Variants in TMEM232 observed in about 807,000 individuals in gnomAD.
TMEM232 encodes the protein transmembrane protein 232.
A neutral mutation model predicts 78.8 loss-of-function variants in TMEM232; 80 were observed. The observed-to-expected ratio is 1.01, with a 90% CI of 0.85 to 1.22. The LOEUF is 1.22. Ranked by LOEUF, TMEM232 falls within the 50% of genes most tolerant of loss-of-function variation. The probability of loss-of-function intolerance (pLI) is 0.00; values close to 1 mark genes in which losing one functional copy is unlikely to be tolerated. For missense variants in TMEM232, 881 were observed against 742.2 expected, an observed-to-expected ratio of 1.19 and a Z score of -2.17; for synonymous variants, 297 against 254.3, an observed-to-expected ratio of 1.17 and a Z score of -1.60.
chr5:110,608,451 C>T (rs899170449), intron 8 of TMEM232, among the ~76,000 whole-genome samples: 2 of 150,882 alleles, frequency 1.3e-5, no homozygotes, highest in Admixed American at 6.6e-5. Flanking sequence ...CTTCATATTA[C>T]GGTCAATTAA....
downstream of TMEM232, chr5:110,417,601 C>T (rs1580587585): frequency 7.0e-6 from 1 of 143,636 alleles, no homozygotes; most frequent in South Asian, 2.3e-4. Flanking sequence ...TGCTTTCTTT[C>T]AAACTTTTTT....
At chr5:110,415,772 A>G (rs898705266), downstream of TMEM232, among the ~76,000 whole-genome samples, 2 of 152,090 alleles carry the variant, frequency 1.3e-5, no homozygotes, top group African/African-American at 2.4e-5. Flanking sequence ...TCAAAGCATT[A>G]CTGGATTGCT....
chr5:110,500,903 T>C (rs569164149), intron 12 of TMEM232, among the ~76,000 whole-genome samples: 3 of 152,310 alleles, frequency 2.0e-5, no homozygotes, highest in East Asian at 3.9e-4. Context: ...CATCTAGATA[T>C]ATAAATAGTT....
At chr5:110,491,448 AG>A (rs1765086832) in intron 12 of TMEM232, among the ~76,000 whole-genome samples, 1 of 152,076 alleles carries the variant, frequency 6.6e-6, no homozygotes, top group Non-Finnish European at 1.5e-5. Context: ...TGTCCAGAAT[AG>A]GCAAATCCAC....
chr5:110,615,992 T>C (rs1290733332), intron 8 of TMEM232, among the ~76,000 whole-genome samples: 4 of 152,002 alleles, frequency 2.6e-5, no homozygotes, highest in Admixed American at 6.6e-5. Flanking sequence ...AAAATGTCCA[T>C]ACTACCCAAA....
rs978123284 is a variant in TMEM232, at chr5:110,683,431, G to T, written c.-12-16067C>A. 4.0e-5 allele frequency among the ~76,000 whole-genome samples: 6 copies of T among 151,734 alleles called. No homozygotes were observed. The East Asian group carries it at 1.2e-3, about 29-fold the overall frequency. On this transcript the variant is annotated intron_variant, in intron 1 of 13. Coordinates refer to ENST00000455884, the MANE Select transcript of TMEM232 (RefSeq NM_001039763.4). ...TGGCCTTGTAATATATATATAGAGA[G>T]AGAGTACATGTGATTCTCTTAGATG...
At chr5:110,505,512 C>CT (rs1468602298) in intron 12 of TMEM232, among the ~76,000 whole-genome samples, 4 of 151,912 alleles carry the variant, frequency 2.6e-5, no homozygotes, top group African/African-American at 9.7e-5. Context: ...TTTTCTTTTC[C>CT]TTTTTTCTTT....
At chr5:110,476,724 T>C (rs1214631388) in intron 12 of TMEM232, among the ~76,000 whole-genome samples, 2 of 152,070 alleles carry the variant, frequency 1.3e-5, no homozygotes, top group Non-Finnish European at 2.9e-5. Context: ...TCTGCTAGCA[T>C]TTCCCAGATG....
intron 12 of TMEM232, among the ~76,000 whole-genome samples, chr5:110,502,885 C>T (rs1766425244): frequency 6.6e-6 from 1 of 152,182 alleles, no homozygotes. Context: ...TCTTTCCTGG[C>T]TATCTGAAGT....
intron 1 of TMEM232, among the ~76,000 whole-genome samples, chr5:110,726,068 T>C (rs1798115296): frequency 1.3e-5 from 2 of 151,326 alleles, no homozygotes; most frequent in East Asian, 1.9e-4. Context: ...CTTTTAAAAA[T>C]TGTTTTATTA....
intron 1 of TMEM232, among the ~76,000 whole-genome samples, chr5:110,682,007 C>G (rs1313131759): frequency 6.6e-6 from 1 of 151,996 alleles, no homozygotes; most frequent in Non-Finnish European, 1.5e-5. Context: ...TAAAATGAGG[C>G]TAAAAATTTT....
intron 4 of TMEM232, among the ~76,000 whole-genome samples, chr5:110,639,467 G>A (rs1241001145): frequency 2.0e-5 from 3 of 152,146 alleles, no homozygotes; most frequent in Non-Finnish European, 4.4e-5. Context: ...TAAGATAGCT[G>A]CCCTCTATAT....
intron 12 of TMEM232, among the ~76,000 whole-genome samples, chr5:110,439,136 A>C (rs1233638481): frequency 6.6e-6 from 1 of 152,140 alleles, no homozygotes; most frequent in Non-Finnish European, 1.5e-5. Context: ...CCAAATCACA[A>C]AGCCTCAAGA....
chr5:110,725,477 C>T (rs188655505), intron 1 of TMEM232: 1 of 152,226 alleles, frequency 6.6e-6, no homozygotes, highest in Non-Finnish European at 1.5e-5. Context: ...TCAAATTTAT[C>T]ATAACAATGA....
At chr5:110,454,317 TA>T (rs1187942208) in intron 12 of TMEM232, among the ~76,000 whole-genome samples, 2 of 151,934 alleles carry the variant, frequency 1.3e-5, no homozygotes, top group African/African-American at 4.8e-5. Context: ...TATAAGACCA[TA>T]AAAAAATATT....
At chr5:110,408,437 T>C (rs1004890328) in intron 2 of TMEM232, among the ~76,000 whole-genome samples, 4 of 151,564 alleles carry the variant, frequency 2.6e-5, no homozygotes, top group African/African-American at 7.3e-5. Context: ...ACTAAAAATA[T>C]AAAAATTAGC....
chr5:110,522,533 T>C (rs1561618949), intron 12 of TMEM232, among the ~76,000 whole-genome samples: 2 of 152,220 alleles, frequency 1.3e-5, no homozygotes, highest in African/African-American at 2.4e-5. Flanking sequence ...TCGAGTATGA[T>C]GTTAGCTGTG....
intron 1 of TMEM232, among the ~76,000 whole-genome samples, chr5:110,667,911 C>T (rs2416242): frequency 5.3e-5 from 8 of 151,964 alleles, no homozygotes; most frequent in Middle Eastern, 3.4e-3. Flanking sequence ...CTTGTTTTTA[C>T]GCCCAGAATG....
chr5:110,567,310 T>C (rs1776452486), intron 11 of TMEM232, among the ~76,000 whole-genome samples: 1 of 151,752 alleles, frequency 6.6e-6, no homozygotes, highest in African/African-American at 2.4e-5. Context: ...ATTTTACCAT[T>C]AATTTAATCA....
Sources: allele counts gnomAD v4.1 joint callset (sites outside exome capture counted in the v4.1 genomes callset), GRCh38; gene constraint gnomAD v4.1.1; transcripts MANE v1.5; gene names NCBI Gene and HGNC (gene_info 2026-07-23, HGNC 2026-07-21).